The following WASHC4 variants were observed in gnomAD, a reference collection of about 807,000 sequenced individuals.
WASHC4 encodes the protein WASH complex subunit 4, also known as WASH complex subunit 7.
Under a neutral mutation model 166.6 loss-of-function variants are expected in WASHC4, and 86 were observed. The ratio of observed to expected loss-of-function variants is 0.52; its 90% CI spans 0.43 to 0.62. The LOEUF is 0.62. Among genes scored for constraint, WASHC4 ranks in the 20% least tolerant of loss-of-function variants. The pLI, the probability that WASHC4 is intolerant of heterozygous loss-of-function variation, is 0.00. For missense variants in WASHC4, 1,262 were observed against 1,382.4 expected, an observed-to-expected ratio of 0.91 and a Z score of 1.38; for synonymous variants, 446 against 451.6, an observed-to-expected ratio of 0.99 and a Z score of 0.16.
rs150637080 is a variant in WASHC4 at position 105,124,542 on chromosome 12, G to A, written c.787-1462G>A. Among the ~76,000 whole-genome samples, 1,094 of 151,912 alleles carry A rather than the reference G, an allele frequency of 7.2e-3. 18 individuals carry two copies. Among genetic ancestry groups the A allele is most frequent in the African/African-American group, 0.024 (1,012 of 41,376 alleles). On this transcript the variant is annotated intron_variant, in intron 10 of 32. Transcript: ENST00000332180. ...GTCACCCAGGCTGGAGTGCAGTGGC[G>A]TAATCTTTGCTCACTGCAACCTCCG...
chr12:105,116,350 A>T (rs1409469256), intron 6 of WASHC4, among the ~76,000 whole-genome samples: 1 of 152,204 alleles, frequency 6.6e-6, no homozygotes, highest in Non-Finnish European at 1.5e-5. Flanking sequence ...TAGGCATGCT[A>T]ACATACTGTT....
intron 6 of WASHC4, among the ~76,000 whole-genome samples, chr12:105,116,948 T>C (rs1487400592): frequency 6.6e-6 from 1 of 152,194 alleles, no homozygotes. Flanking sequence ...GCACTGCCTA[T>C]CTGCTGCTGG....
Position 105,127,151 on chromosome 12 carries a change from C to G in WASHC4, c.1061C>G (p.Ala354Gly). The G allele has an allele frequency of 6.2e-7, 1 of 1,613,096 alleles. No homozygotes were observed. The highest frequency in any genetic ancestry group is 8.5e-7 in the Non-Finnish European group (1 of 1,179,310). ...CKKVPAITLT[A>G]NIIWFPDNFL... is the part of the protein sequence containing the mutation. The stretch of plus-strand genomic sequence containing the variant: ...CAGGTACCAGCCATCACTCTAACTG[C>G]TAATATTATTTGGTTTCCTGATAAT... The change falls in exon 13 of 33, where the codon GCT becomes GGT. Residue 354 changes from alanine to glycine, a missense_variant. Coordinates refer to ENST00000332180, the MANE Select transcript of WASHC4 (RefSeq NM_015275.3).
In WASHC4 at chr12:105,115,233, A is replaced by G. The variant is rs759017629; in HGVS notation, c.367+4A>G. The G allele has an allele frequency of 6.4e-7, 1 of 1,556,464 alleles. No individual in the cohort carries two copies. The highest frequency in any genetic ancestry group is 8.9e-7 in the Non-Finnish European group (1 of 1,128,448). On this transcript the variant is annotated splice_donor_region_variant and intron_variant, in intron 5 of 32. Coordinates refer to ENST00000332180, the MANE Select transcript of WASHC4 (RefSeq NM_015275.3). ...CTCTTGTTTTATGGAGAAGGAGGTA[A>G]GTTTAAAATTCCAAATTGTGATGCC...
intron 11 of WASHC4, 49 bp from the exon 12 acceptor site, chr12:105,126,186 T>C (rs1177251133): frequency 6.2e-7 from 1 of 1,611,960 alleles, no homozygotes; most frequent in African/African-American, 1.3e-5. Context: ...CTTAAAAGCA[T>C]AATTGAAGTA....
rs552588222 is a variant in WASHC4 at position 105,108,018 on chromosome 12, G to A, written c.61+157G>A. 3.9e-5 allele frequency among the ~76,000 whole-genome samples: 6 copies of A among 152,276 alleles called. No individual in the cohort carries two copies. In the South Asian group the frequency reaches 1.2e-3, roughly 32 times the overall value. ...GTGTGCGAGGGACGCGCTCTCCAGC[G>A]TTACTTTCGGGGTTGGGGTCCCAGC... On this transcript the variant is annotated intron_variant, in intron 1 of 32. Transcript: ENST00000332180.
rs1469738040 is a variant in WASHC4, at chr12:105,164,648, A to C, written c.3362A>C (p.Glu1121Ala). The change falls in exon 32 of 33, where the codon GAA (glutamate) becomes GCA (alanine). Residue 1121 changes from glutamate (E) to alanine (A), a missense_variant. By Grantham distance (107) the Glu-to-Ala change is moderately radical (BLOSUM62 -1). Transcript: ENST00000332180. ...KRLDVYLQEF[E>A]LLYFSLSSAR... ...ATTTTTAAATTTACTTAGGAATTTGAATTGCTGTATTTCTCACTGAGCAGT... is the reference window on the plus strand; with the variant it reads ...ATTTTTAAATTTACTTAGGAATTTGCATTGCTGTATTTCTCACTGAGCAGT... 2 of 1,609,666 alleles carry C rather than the reference A, an allele frequency of 1.2e-6. No homozygotes were observed. The highest frequency in any genetic ancestry group is 2.7e-5 in the African/African-American group (2 of 74,824).
In WASHC4 at chr12:105,160,059, T is replaced by G; in HGVS notation, c.2971T>G (p.Phe991Val). ...AAATTCTGCCGAAGGCACAGAATAT[T>G]TCAAAATGCTTGTAGACGTTTTTGC... Reference protein sequence around the residue: ...TRNSAEGTEYFKMLVDVFAPE... With the variant: ...TRNSAEGTEYVKMLVDVFAPE... Residue 991 changes from phenylalanine (F) to valine (V), a missense_variant, in exon 29 of 33, where the codon TTC becomes GTC. Phe to Val is a conservative substitution (Grantham distance 50). Transcript: ENST00000332180. 6.2e-7 allele frequency: 1 copy of G among 1,613,922 alleles called. No homozygotes were observed. The highest frequency in any genetic ancestry group is 8.5e-7 in the Non-Finnish European group (1 of 1,179,768).
intron 11 of WASHC4, 21 bp downstream of exon 11, chr12:105,126,148 T>G (rs1329247920): frequency 6.2e-7 from 1 of 1,612,888 alleles, no homozygotes; most frequent in South Asian, 1.1e-5. Flanking sequence ...TCGCATTTTT[T>G]GGTTTTTGTT....
Position 105,141,254 on chromosome 12 carries a change from G to C in WASHC4, c.1787+8G>C. On this transcript the variant is annotated splice_region_variant and intron_variant, in intron 18 of 32. Transcript: ENST00000332180. ...TAGTGAACTTAGAGAACGGTAAGTA[G>C]GACTGGGATATGCTGTGGTACTCCA... The C allele has an allele frequency of 6.4e-7, 1 of 1,560,160 alleles. No homozygotes were observed. Among genetic ancestry groups the C allele is most frequent in the East Asian group, 2.2e-5 (1 of 44,632 alleles).
intron 7 of WASHC4, among the ~76,000 whole-genome samples, chr12:105,119,375 T>G (rs571628219): frequency 4.6e-5 from 7 of 152,332 alleles, no homozygotes; most frequent in Admixed American, 3.9e-4. Flanking sequence ...TTAACTTTGT[T>G]TAGCTCTATG....
At chr12:105,140,467 A>G in intron 16 of WASHC4, 66 bp downstream of exon 16, 3 of 1,194,926 alleles carry the variant, frequency 2.5e-6, no homozygotes, top group Non-Finnish European at 3.7e-6. Flanking sequence ...TCATTGTTTT[A>G]TATGTGTTTT....
chr12:105,108,738 A>AT (rs57094540), intron 1 of WASHC4, among the ~76,000 whole-genome samples: 29,024 of 150,760 alleles, frequency 0.19, 3,759 homozygotes, highest in African/African-American at 0.38. Flanking sequence ...GCTGTTTGTG[A>AT]TTTTTTTTTT....
chr12:105,126,361 A>C lies in WASHC4; in HGVS notation c.1037A>C (p.Lys346Thr), dbSNP rs1364592316. Residue 346 changes from lysine to threonine, a missense_variant and splice_region_variant, in exon 12 of 33, where the codon AAG (lysine) becomes ACG (threonine). Lys to Thr is a moderately conservative substitution (Grantham distance 78). Coordinates refer to ENST00000332180, the MANE Select transcript of WASHC4 (RefSeq NM_015275.3). Reference protein sequence around the residue: ...FYKSLLDICKKVPAITLTANI... With the variant: ...FYKSLLDICKTVPAITLTANI... ...AAGTCTTTATTGGACATTTGTAAGAAGGTAAGAACTTGAAACTTATTTTTC... is the reference window on the plus strand; with the variant it reads ...AAGTCTTTATTGGACATTTGTAAGACGGTAAGAACTTGAAACTTATTTTTC... 1.9e-6 allele frequency: 3 copies of C among 1,570,688 alleles called. No individual in the cohort carries two copies. Among genetic ancestry groups the C allele is most frequent in the Admixed American group, 1.7e-5 (1 of 59,674 alleles).
intron 13 of WASHC4, among the ~76,000 whole-genome samples, chr12:105,131,125 G>T (rs1469716606): frequency 2.0e-5 from 3 of 149,836 alleles, no homozygotes; most frequent in Non-Finnish European, 4.4e-5. Context: ...TGTCTCCCAG[G>T]TTGGACTGCG....
At chr12:105,137,730 G>C (rs376851384) in intron 14 of WASHC4, among the ~76,000 whole-genome samples, 156 bp from the exon 15 acceptor site, 1 of 152,200 alleles carries the variant, frequency 6.6e-6, no homozygotes, top group African/African-American at 2.4e-5. Flanking sequence ...CATTGTCTCT[G>C]TGAGGAAGAG....
At position 105,164,730 on chromosome 12, in the gene WASHC4, A is replaced by G. The variant is rs757814945; in HGVS notation, c.3444A>G (p.Lys1148=). 4.3e-6 allele frequency: 7 copies of G among 1,611,502 alleles called. No homozygotes were observed. Among genetic ancestry groups the G allele is most frequent in the Non-Finnish European group, 5.9e-6 (7 of 1,178,280 alleles). ...KTAAEENQEK[K]EKEEETKTSN... ...CGGCTGAAGAAAACCAAGAAAAGAAAGAGAAGGAAGGTCAGTGAGTGGTTT... is the reference window on the plus strand; with the variant it reads ...CGGCTGAAGAAAACCAAGAAAAGAAGGAGAAGGAAGGTCAGTGAGTGGTTT... Residue 1148 remains lysine, a synonymous_variant, in exon 32 of 33, where the codon AAA becomes AAG. Coordinates refer to ENST00000332180, the MANE Select transcript of WASHC4 (RefSeq NM_015275.3).
intron 4 of WASHC4, 104 bp from the exon 5 acceptor site, chr12:105,115,080 G>T (rs1255262822): frequency 1.6e-5 from 10 of 634,174 alleles, no homozygotes; most frequent in Non-Finnish European, 2.6e-5. Flanking sequence ...GTATGCAAAT[G>T]ATGTAGCCCT....
At position 105,149,647 on chromosome 12, in the gene WASHC4, G is replaced by A; in HGVS notation, c.2547G>A (p.Lys849=). ...VNFTYQFLKK[K]FYIFSQFMYD... ...TCACCTACCAGTTTTTGAAAAAGAAGTTCTATATATTTAGCCAATTTATGT... is the reference window on the plus strand; with the variant it reads ...TCACCTACCAGTTTTTGAAAAAGAAATTCTATATATTTAGCCAATTTATGT... Residue 849 remains lysine (K), a synonymous_variant, in exon 25 of 33, where the codon AAG becomes AAA. Coordinates refer to ENST00000332180, the MANE Select transcript of WASHC4 (RefSeq NM_015275.3). 1 of 1,537,542 alleles carries A rather than the reference G, an allele frequency of 6.5e-7. No homozygotes were observed. Among genetic ancestry groups the A allele is most frequent in the Non-Finnish European group, 9.0e-7 (1 of 1,115,310 alleles).
Sources: allele counts gnomAD v4.1 joint callset (sites outside exome capture counted in the v4.1 genomes callset), GRCh38; gene constraint gnomAD v4.1.1; transcripts MANE v1.5; gene names NCBI Gene and HGNC (gene_info 2026-07-23, HGNC 2026-07-21).